The following RASGRF2 variants were observed in gnomAD, a reference collection of about 807,000 sequenced individuals.
The protein encoded by RASGRF2 is ras-specific guanine nucleotide-releasing factor 2.
A neutral mutation model predicts 151.0 loss-of-function variants in RASGRF2; 76 were observed. The observed-to-expected ratio is 0.50, with a 90% CI of 0.42 to 0.61. The LOEUF is 0.61. RASGRF2 is among the 20% of genes least tolerant of loss of function. The pLI, the probability that RASGRF2 is intolerant of heterozygous loss-of-function variation, is 0.00. For synonymous variants in RASGRF2, 504 were observed against 566.5 expected, an observed-to-expected ratio of 0.89 and a Z score of 1.57; for missense variants, 1,148 against 1,564.6, an observed-to-expected ratio of 0.73 and a Z score of 4.49.
At chr5:81,216,369 GCACACACACACACA>G (rs1043898848) in intron 24 of RASGRF2, among the ~76,000 whole-genome samples, 1 of 144,150 alleles carries the variant, frequency 6.9e-6, no homozygotes, top group Non-Finnish European at 1.5e-5. Flanking sequence ...ACACACACAC[GCACACACACACACA>G]CAAACACACA....
At chr5:81,059,274 C>T (rs909385174) in intron 2 of RASGRF2, among the ~76,000 whole-genome samples, 1 of 151,328 alleles carries the variant, frequency 6.6e-6, no homozygotes, top group Non-Finnish European at 1.5e-5. Context: ...GTCCCAGCTA[C>T]TAGGGAGGCT....
intron 5 of RASGRF2, 134 bp downstream of exon 5, chr5:81,073,586 T>G: frequency 1.1e-6 from 1 of 897,112 alleles, no homozygotes. Context: ...AAGAAAGCTA[T>G]TACTTGTGTT....
chr5:81,086,790 A>C, intron 8 of RASGRF2, 45 bp from the exon 9 acceptor site: 1 of 1,500,230 alleles, frequency 6.7e-7, no homozygotes, highest in South Asian at 1.1e-5. Context: ...TGCTAGGGCA[A>C]GAGAAAATCT....
In RASGRF2 at chr5:80,961,108, G is replaced by T. The variant is rs1357507585; in HGVS notation, c.288+82G>T. 8 of 1,377,458 alleles carry T rather than the reference G, an allele frequency of 5.8e-6. No individual in the cohort carries two copies. The African/African-American group carries it at 1.2e-4, about 20-fold the overall frequency. 85.3% of individuals were successfully genotyped at this position (1,377,458 alleles called of 1,614,324 possible). A position where few individuals can be genotyped will look rare whatever the true frequency, so the allele number is the denominator to read the frequency against. On this transcript the variant is annotated intron_variant, in intron 1 of 26. Coordinates refer to ENST00000265080, the MANE Select transcript of RASGRF2 (RefSeq NM_006909.3). ...GTCCTAATCCGGGGATCAGGGGTCG[G>T]GGGTCGTGAAAGAGTGCGGGGACTA... is the stretch of plus-strand genomic sequence containing the variant.
chr5:81,220,474 A>C (rs1755834353), intron 26 of RASGRF2, among the ~76,000 whole-genome samples: 1 of 152,200 alleles, frequency 6.6e-6, no homozygotes, highest in Admixed American at 6.5e-5. Context: ...TAATGAGCCC[A>C]TATTGATACA....
chr5:81,061,997 CAAAAAAAAAAA>C (rs34991044), intron 2 of RASGRF2, among the ~76,000 whole-genome samples: 38 of 44,008 alleles, frequency 8.6e-4, no homozygotes, highest in Middle Eastern at 0.016. Context: ...TCCCAGCTGA[CAAAAAAAAAAA>C]AAAAAAAAAA....
rs756729488 is a variant in RASGRF2, at chr5:81,203,195, G to A, written c.2906+1753G>A. On this transcript the variant is annotated intron_variant, in intron 19 of 26. Transcript: ENST00000265080. ...ACTGTTTCTTTTCTCTTCATAACTA[G>A]TTTGTTATGCTCTTTGCATTTAAAA... 7.9e-5 allele frequency among the ~76,000 whole-genome samples: 12 copies of A among 152,258 alleles called. No individual in the cohort carries two copies. The East Asian group carries it at 1.5e-3, about 20-fold the overall frequency.
intron 18 of RASGRF2, among the ~76,000 whole-genome samples, chr5:81,180,966 C>A (rs1309982715): frequency 6.6e-6 from 1 of 152,128 alleles, no homozygotes; most frequent in Non-Finnish European, 1.5e-5. Flanking sequence ...GCTTTTCTTA[C>A]CCACTGCCAC....
At chr5:81,029,581 A>G (rs1296890590) in intron 1 of RASGRF2, among the ~76,000 whole-genome samples, 2 of 152,244 alleles carry the variant, frequency 1.3e-5, no homozygotes, top group Non-Finnish European at 1.5e-5. Context: ...CCTGCAGCTG[A>G]GGGTCCTGAC....
rs113307596 is a variant in RASGRF2 at position 81,048,790 on chromosome 5, A to G, written c.395+5807A>G. On this transcript the variant is annotated intron_variant, in intron 2 of 26. Coordinates refer to ENST00000265080, the MANE Select transcript of RASGRF2 (RefSeq NM_006909.3). ...CCATTACTTATTCCATTTCTCTCTT[A>G]TATTTCCAGTCTGTTTATTCCTCGC... 5.4e-3 allele frequency among the ~76,000 whole-genome samples: 821 copies of G among 152,118 alleles called. 4 individuals are homozygous for G. Among genetic ancestry groups the G allele is most frequent in the Non-Finnish European group, 7.1e-3 (481 of 67,974 alleles).
At chr5:81,034,176 C>G (rs1750378971) in intron 1 of RASGRF2, among the ~76,000 whole-genome samples, 1 of 152,122 alleles carries the variant, frequency 6.6e-6, no homozygotes, top group African/African-American at 2.4e-5. Context: ...GACATTTATG[C>G]AGCCAAAAAA....
At chr5:81,120,525 G>C (rs1753277902) in intron 15 of RASGRF2, among the ~76,000 whole-genome samples, 1 of 152,232 alleles carries the variant, frequency 6.6e-6, no homozygotes, top group Non-Finnish European at 1.5e-5. Flanking sequence ...CAAGGACGCA[G>C]TGAGCTCTGA....
At chr5:81,002,523 A>G (rs1459353049) in intron 1 of RASGRF2, among the ~76,000 whole-genome samples, 2 of 152,240 alleles carry the variant, frequency 1.3e-5, no homozygotes, top group Non-Finnish European at 2.9e-5. Flanking sequence ...CTCAGAAAAC[A>G]TGATATTATC....
intron 1 of RASGRF2, among the ~76,000 whole-genome samples, chr5:81,038,639 G>A (rs567257491): frequency 4.5e-4 from 67 of 147,618 alleles, no homozygotes; most frequent in Non-Finnish European, 8.0e-4. Flanking sequence ...GCAGTGGTGG[G>A]ACCATGGCAA....
intron 1 of RASGRF2, among the ~76,000 whole-genome samples, chr5:81,036,777 T>G (rs376055944): frequency 6.6e-6 from 1 of 152,206 alleles, no homozygotes; most frequent in African/African-American, 2.4e-5. Context: ...GAGATTTTCC[T>G]ATGTTACATT....
intron 1 of RASGRF2, among the ~76,000 whole-genome samples, chr5:81,024,678 T>C (rs557217580): frequency 6.6e-6 from 1 of 152,204 alleles, no homozygotes; most frequent in South Asian, 2.1e-4. Flanking sequence ...GAACTCTGTT[T>C]TGGTTTTTGG....
chr5:81,047,701 G>C (rs1203135957), intron 2 of RASGRF2, among the ~76,000 whole-genome samples: 3 of 152,260 alleles, frequency 2.0e-5, no homozygotes, highest in African/African-American at 7.2e-5. Context: ...CACCCTGTCA[G>C]TCTCCAACCT....
At chr5:81,200,440 C>T (rs1269700395) in intron 18 of RASGRF2, among the ~76,000 whole-genome samples, 1 of 152,134 alleles carries the variant, frequency 6.6e-6, no homozygotes, top group Non-Finnish European at 1.5e-5. Context: ...TCCCAACTTT[C>T]CCCAGTGGGT....
At chr5:80,995,107 T>A (rs1748794429) in intron 1 of RASGRF2, among the ~76,000 whole-genome samples, 1 of 151,770 alleles carries the variant, frequency 6.6e-6, no homozygotes, top group Non-Finnish European at 1.5e-5. Flanking sequence ...ATACAAAAAA[T>A]CACCCAGGCG....
Sources: gnomAD v4.1 joint callset for allele counts (sites outside exome capture counted in the v4.1 genomes callset) on GRCh38, gnomAD v4.1.1 for gene constraint, MANE v1.5 for transcripts, NCBI Gene and HGNC (gene_info 2026-07-23, HGNC 2026-07-21) for gene names.